Variants in CAPZB observed in about 807,000 individuals in gnomAD.
CAPZB encodes the protein capping actin protein of muscle Z-line subunit beta.
A neutral mutation model predicts 38.1 loss-of-function variants in CAPZB; 2 were observed. The observed-to-expected ratio is 0.05, with a 90% CI of 0.02 to 0.17. The LOEUF (loss-of-function observed/expected upper bound fraction) is 0.17, where lower values mean the gene tolerates loss of function less well. Among genes scored for constraint, CAPZB ranks in the 10% least tolerant of loss-of-function variants. CAPZB has a pLI of 1.00. For missense variants in CAPZB, 161 were observed against 334.2 expected (o/e 0.48, Z 4.04); for synonymous variants, 107 against 127.4 (o/e 0.84, Z 1.08).
intron 4 of CAPZB, chr1:19,374,361 TCA>T (rs1190647436): frequency 1.3e-5 from 2 of 152,246 alleles, no homozygotes; most frequent in Non-Finnish European, 2.9e-5. Context: ...CTGGCAGCTC[TCA>T]GTCATTCGAT....
chr1:19,362,769 C>A (rs992308567), intron 4 of CAPZB, among the ~76,000 whole-genome samples: 2 of 152,194 alleles, frequency 1.3e-5, no homozygotes. Context: ...TGAAATCAAT[C>A]CCCACAGTCA....
chr1:19,340,550 G>A (rs528104496), intron 8 of CAPZB, among the ~76,000 whole-genome samples: 15 of 152,100 alleles, frequency 9.9e-5, no homozygotes, highest in African/African-American at 2.7e-4. Context: ...CTATCAACCC[G>A]GCCGGATGTG....
chr1:19,342,679 G>A, intron 8 of CAPZB: 2 of 929,010 alleles, frequency 2.2e-6, no homozygotes, highest in Non-Finnish European at 3.5e-6. Context: ...GCAGCAGCCG[G>A]ACCGGCAGGG....
intron 1 of CAPZB, among the ~76,000 whole-genome samples, chr1:19,454,926 A>G (rs1035568338): frequency 2.6e-5 from 4 of 152,230 alleles, no homozygotes; most frequent in African/African-American, 9.6e-5. Flanking sequence ...CAGGAGCCAT[A>G]AAGGAAAGAT....
intron 1 of CAPZB, among the ~76,000 whole-genome samples, chr1:19,433,978 C>T (rs779257203): frequency 1.1e-4 from 16 of 152,190 alleles, no homozygotes; most frequent in African/African-American, 3.9e-4. Context: ...AAATAGATCA[C>T]CAAAGTTTTA....
Position 19,419,770 on chromosome 1 carries a change from AGTGC to A in CAPZB, c.4-24_4-21del. On this transcript the variant is annotated intron_variant, in intron 1 of 8. Transcript: ENST00000264202. ...ATCACTCTGTGGAGGGAGAAATACAAGTGCGTCAGTCATTTTTGCCAGAAGGAAT... is the reference window on the plus strand; with the variant it reads ...ATCACTCTGTGGAGGGAGAAATACAAGTCAGTCATTTTTGCCAGAAGGAAT... 2.2e-6 allele frequency: 3 copies of A among 1,360,104 alleles called. No individual in the cohort carries two copies. Among genetic ancestry groups the A allele is most frequent in the African/African-American group, 1.4e-5 (1 of 69,428 alleles). The allele number at this position is 1,360,104 out of a possible 1,614,324, so 84.3% of individuals were successfully genotyped here.
At chr1:19,345,300 G>A (rs770703218) in intron 6 of CAPZB, 48 bp from the exon 7 acceptor site, 15 of 1,481,060 alleles carry the variant, frequency 1.0e-5, no homozygotes, top group Non-Finnish European at 1.4e-5. Flanking sequence ...AGAGATTTCT[G>A]AGAACGGCAG....
At chr1:19,392,827 A>G (rs993945768) in intron 2 of CAPZB, among the ~76,000 whole-genome samples, 1 of 152,210 alleles carries the variant, frequency 6.6e-6, no homozygotes, top group East Asian at 1.9e-4. Flanking sequence ...AATAGGTAAT[A>G]CATTCACATA....
chr1:19,398,935 C>T (rs1558225534), intron 2 of CAPZB, among the ~76,000 whole-genome samples: 2 of 151,092 alleles, frequency 1.3e-5, no homozygotes, highest in African/African-American at 4.9e-5. Flanking sequence ...TCGAGTACCG[C>T]AACCTCCGCC....
intron 8 of CAPZB, among the ~76,000 whole-genome samples, chr1:19,342,457 T>C (rs944628619): frequency 6.6e-6 from 1 of 152,206 alleles, no homozygotes; most frequent in African/African-American, 2.4e-5. Flanking sequence ...TGGCTGCTGC[T>C]GGAGAGGCAG....
chr1:19,460,777 G>C (rs2094548922), intron 1 of CAPZB, among the ~76,000 whole-genome samples: 1 of 151,926 alleles, frequency 6.6e-6, no homozygotes, highest in South Asian at 2.1e-4. Flanking sequence ...CCACGGATAG[G>C]GGAGGATGGC....
intron 1 of CAPZB, among the ~76,000 whole-genome samples, chr1:19,429,133 C>T (rs2094433971): frequency 6.6e-6 from 1 of 152,156 alleles, no homozygotes; most frequent in South Asian, 2.1e-4. Context: ...GTATGAGTAG[C>T]CACTCTTGGA....
At chr1:19,378,487 T>G in intron 4 of CAPZB, 53 bp downstream of exon 4, 6 of 1,010,248 alleles carry the variant, frequency 5.9e-6, no homozygotes, top group Non-Finnish European at 9.5e-6. Context: ...CCACTTAGGA[T>G]TTACCTCTCA....
chr1:19,405,852 C>A (rs1026337255), intron 2 of CAPZB, among the ~76,000 whole-genome samples: 5 of 152,226 alleles, frequency 3.3e-5, no homozygotes, highest in African/African-American at 9.6e-5. Context: ...CTGAAGGTTT[C>A]AATTACATAA....
intron 2 of CAPZB, among the ~76,000 whole-genome samples, chr1:19,410,083 T>C (rs2094350810): frequency 6.6e-6 from 1 of 152,236 alleles, no homozygotes; most frequent in Non-Finnish European, 1.5e-5. Flanking sequence ...TCTAAGTTCT[T>C]CCATTACTGA....
intron 2 of CAPZB, among the ~76,000 whole-genome samples, chr1:19,405,048 C>T (rs1570157309): frequency 6.6e-6 from 1 of 152,118 alleles, no homozygotes; most frequent in Admixed American, 6.5e-5. Flanking sequence ...TGCCACCTGC[C>T]GGGACCACCA....
intron 2 of CAPZB, among the ~76,000 whole-genome samples, chr1:19,387,689 G>A (rs1454807339): frequency 2.0e-5 from 3 of 152,142 alleles, no homozygotes; most frequent in East Asian, 3.8e-4. Flanking sequence ...TCCTGACTCC[G>A]CTGCGTACAA....
chr1:19,465,678 G>A (rs1275272829), intron 1 of CAPZB, among the ~76,000 whole-genome samples: 1 of 152,160 alleles, frequency 6.6e-6, no homozygotes. Context: ...AGGGTGGGGA[G>A]AATGAAAACC....
chr1:19,412,396 T>A (rs2094361041), intron 2 of CAPZB, among the ~76,000 whole-genome samples: 2 of 152,176 alleles, frequency 1.3e-5, no homozygotes, highest in South Asian at 4.1e-4. Context: ...AGCATTTTTT[T>A]AATGTTAAAA....
Sources: gnomAD v4.1 joint callset for allele counts (sites outside exome capture counted in the v4.1 genomes callset) on GRCh38, gnomAD v4.1.1 for gene constraint, MANE v1.5 for transcripts, NCBI Gene and HGNC (gene_info 2026-07-23, HGNC 2026-07-21) for gene names.